Variants in SLC9C2 observed in about 807,000 individuals in gnomAD.
SLC9C2 encodes sodium/hydrogen exchanger 11.
A neutral mutation model predicts 140.2 loss-of-function variants in SLC9C2; 75 were observed. The ratio of observed to expected loss-of-function variants is 0.53; its 90% CI spans 0.44 to 0.65. SLC9C2 has a LOEUF of 0.65. Among genes scored for constraint, SLC9C2 ranks in the 30% least tolerant of loss-of-function variants. The pLI is 0.00. For synonymous variants in SLC9C2, 375 were observed against 420.9 expected, an observed-to-expected ratio of 0.89 and a Z score of 1.34; for missense variants, 1,074 against 1,331.8, an observed-to-expected ratio of 0.81 and a Z score of 3.01.
At chr1:173,560,330 G>A (rs977107647) in intron 9 of SLC9C2, among the ~76,000 whole-genome samples, 3 of 152,198 alleles carry the variant, frequency 2.0e-5, no homozygotes, top group Non-Finnish European at 4.4e-5. Flanking sequence ...CAACTGGTAG[G>A]GATTTGAGGA....
intron 4 of SLC9C2, among the ~76,000 whole-genome samples, chr1:173,589,261 T>C (rs1408151646): frequency 6.6e-6 from 1 of 152,150 alleles, no homozygotes; most frequent in East Asian, 1.9e-4. Flanking sequence ...TGGGTCTTTT[T>C]AAATTCTAGA....
intron 22 of SLC9C2, 51 bp from the exon 23 acceptor site, chr1:173,517,755 T>C (rs762814047): frequency 6.6e-7 from 1 of 1,512,954 alleles, no homozygotes; most frequent in Admixed American, 2.1e-5. Context: ...GAAAAACCCT[T>C]TGATCAAATC....
chr1:173,565,659 T>C (rs1664423879), intron 9 of SLC9C2, among the ~76,000 whole-genome samples: 1 of 152,188 alleles, frequency 6.6e-6, no homozygotes. Flanking sequence ...CCACTTTTGT[T>C]TTTTTTGCTC....
Position 173,544,258 on chromosome 1 carries a change from T to G in SLC9C2, c.1557+3431A>C, listed in dbSNP as rs746140223. ...TGCAGCCAACAGACACATGAAAAAA[T>G]GCTCATCATCATTGGTCATCAGAAA... On this transcript the variant is annotated intron_variant, in intron 13 of 27. Coordinates refer to ENST00000367714, the MANE Select transcript of SLC9C2 (RefSeq NM_178527.4). Among the ~76,000 whole-genome samples, 100 of 152,230 alleles carry G rather than the reference T, an allele frequency of 6.6e-4. No homozygotes were observed. The Middle Eastern group carries it at 0.02, about 31-fold the overall frequency.
Position 173,561,848 on chromosome 1 carries a change from C to T in SLC9C2, c.1047-4340G>A, listed in dbSNP as rs949909147. Reference sequence around the variant, plus strand: ...ACTGACCAATCACATAAGATACACACACACACAGACACAGACACACACACA... The same window carrying T: ...ACTGACCAATCACATAAGATACACATACACACAGACACAGACACACACACA... On this transcript the variant is annotated intron_variant, in intron 9 of 27. Transcript: ENST00000367714. 2.4e-4 allele frequency among the ~76,000 whole-genome samples: 32 copies of T among 131,774 alleles called. No homozygotes were observed. In the East Asian group the frequency reaches 6.3e-3, roughly 26 times the overall value. 86.4% of individuals were successfully genotyped at this position (131,774 alleles called of 152,430 possible).
At chr1:173,518,917 A>C (rs1384740328) in intron 22 of SLC9C2, among the ~76,000 whole-genome samples, 1 of 152,082 alleles carries the variant, frequency 6.6e-6, no homozygotes, top group East Asian at 1.9e-4. Context: ...CCCCCCCAAG[A>C]TTCCTGTCTG....
At chr1:173,557,988 T>G (rs1663825300) in intron 9 of SLC9C2, among the ~76,000 whole-genome samples, 1 of 152,200 alleles carries the variant, frequency 6.6e-6, no homozygotes, top group Non-Finnish European at 1.5e-5. Context: ...ACGCTAAATG[T>G]CACACAAATA....
intron 7 of SLC9C2, among the ~76,000 whole-genome samples, chr1:173,580,698 T>C (rs1665478720): frequency 6.6e-6 from 1 of 152,190 alleles, no homozygotes; most frequent in African/African-American, 2.4e-5. Context: ...GTAGAGAGGT[T>C]AAGTAATTTT....
Position 173,601,678 on chromosome 1 carries a change from C to T in SLC9C2, c.99G>A (p.Thr33=). 4 of 1,613,970 alleles carry T rather than the reference C, an allele frequency of 2.5e-6. No homozygotes were observed. Among genetic ancestry groups the T allele is most frequent in the Non-Finnish European group, 2.5e-6 (3 of 1,179,906 alleles). ...CCAAAACAACAATGAAGCATACAAG[C>T]GTTGTGAAATGTTTCTCTTCAACAA... ...DYLVEEKHFT[T]LVCFIVVLGG... Residue 33 remains threonine, a synonymous_variant, in exon 2 of 28, where the codon ACG becomes ACA. Transcript: ENST00000367714.
At chr1:173,505,798 T>C (rs1659594056) in intron 25 of SLC9C2, among the ~76,000 whole-genome samples, 1 of 152,186 alleles carries the variant, frequency 6.6e-6, no homozygotes, top group Non-Finnish European at 1.5e-5. Flanking sequence ...TTATCTCATT[T>C]AATCCTCCCA....
chr1:173,543,660 T>A (rs1050794162), intron 13 of SLC9C2, among the ~76,000 whole-genome samples: 1 of 152,146 alleles, frequency 6.6e-6, no homozygotes, highest in Non-Finnish European at 1.5e-5. Context: ...AACAGAAGTA[T>A]AGACCAATGG....
intron 19 of SLC9C2, among the ~76,000 whole-genome samples, chr1:173,525,262 G>A (rs1661119450): frequency 6.6e-6 from 1 of 151,954 alleles, no homozygotes; most frequent in African/African-American, 2.4e-5. Flanking sequence ...TATAATTTTT[G>A]TTGGTTAGAC....
At position 173,587,828 on chromosome 1, in the gene SLC9C2, G is replaced by T; in HGVS notation, c.360C>A (p.Val120=). 2.5e-6 allele frequency: 4 copies of T among 1,610,350 alleles called. No homozygotes were observed. Among genetic ancestry groups the T allele is most frequent in the Non-Finnish European group, 2.5e-6 (3 of 1,178,194 alleles). ...AAAAGCTAATTAATCCAGTTAACAA[G>T]ACCTGTGAACCAATTCATAACACAG... ...FYTLKKMFWQ[V]LLTGLISFST... The change falls in exon 5 of 28, where the codon GTC becomes GTA. Residue 120 remains valine, a splice_region_variant and synonymous_variant. Transcript: ENST00000367714.
intron 5 of SLC9C2, among the ~76,000 whole-genome samples, chr1:173,585,882 C>T (rs1487789321): frequency 1.3e-5 from 2 of 152,030 alleles, no homozygotes; most frequent in Non-Finnish European, 2.9e-5. Context: ...GCAGGAGAAT[C>T]GCTTAAACCC....
intron 4 of SLC9C2, among the ~76,000 whole-genome samples, chr1:173,593,396 T>G (rs910195386): frequency 6.6e-6 from 1 of 152,132 alleles, no homozygotes; most frequent in Non-Finnish European, 1.5e-5. Flanking sequence ...GGTGTGCTCC[T>G]GTAATCCCAG....
chr1:173,529,959 T>C lies in SLC9C2; in HGVS notation c.2259A>G (p.Gln753=). The C allele has an allele frequency of 6.2e-7, 1 of 1,613,116 alleles. No homozygotes were observed. Residue 753 remains glutamine (Q), a synonymous_variant, in exon 18 of 28, where the codon CAA becomes CAG. Transcript: ENST00000367714. The part of the protein sequence containing the change: ...YSITKGYIKS[Q]EDAKLLIKQI... ...GTTTTATTAGAAGTTTGGCATCTTC[T>C]TGACTTTTGATATAGCCTTTTGTAA...
rs138099537 is a variant in SLC9C2, at chr1:173,527,806, G to C, written c.2314-1092C>G. Among the ~76,000 whole-genome samples the C allele has an allele frequency of 2.6e-4, 40 of 152,260 alleles. No individual in the cohort carries two copies. In the East Asian group the frequency reaches 7.1e-3, roughly 27 times the overall value. Reference sequence around the variant, plus strand: ...TTATCTAAAGTTTAAGCAAAGTTAAGTTTTTGTGGGGTTTTTTTGTTGTCT... The same window carrying C: ...TTATCTAAAGTTTAAGCAAAGTTAACTTTTTGTGGGGTTTTTTTGTTGTCT... On this transcript the variant is annotated intron_variant, in intron 18 of 27. Transcript: ENST00000367714.
intron 23 of SLC9C2, among the ~76,000 whole-genome samples, chr1:173,511,160 A>C (rs1660028189): frequency 6.8e-6 from 1 of 147,136 alleles, no homozygotes; most frequent in Non-Finnish European, 1.5e-5. Flanking sequence ...CAGCCACCCG[A>C]GTAGCTGGGA....
chr1:173,557,896 T>C (rs1663819402), intron 9 of SLC9C2, among the ~76,000 whole-genome samples: 1 of 152,168 alleles, frequency 6.6e-6, no homozygotes, highest in Non-Finnish European at 1.5e-5. Context: ...GTGCAGATCA[T>C]GACTCAAATG....
Sources: allele counts gnomAD v4.1 joint callset (sites outside exome capture counted in the v4.1 genomes callset), GRCh38; gene constraint gnomAD v4.1.1; transcripts MANE v1.5; gene names NCBI Gene and HGNC (gene_info 2026-07-23, HGNC 2026-07-21).